DCAF8: variants seen among roughly 807,000 people sequenced by gnomAD.
DCAF8 encodes the protein DDB1- and CUL4-associated factor 8.
In DCAF8, 20 loss-of-function variants were observed where a neutral mutation model predicts 68.0. That is an observed-to-expected ratio of 0.29 (90% CI 0.21 to 0.43). The LOEUF (loss-of-function observed/expected upper bound fraction) is 0.43, where lower values mean the gene tolerates loss of function less well. DCAF8 is among the 20% of genes least tolerant of loss of function. The pLI is 1.00. For missense variants in DCAF8, 460 were observed against 771.0 expected, an observed-to-expected ratio of 0.60 and a Z score of 4.78; for synonymous variants, 230 against 276.9, an observed-to-expected ratio of 0.83 and a Z score of 1.68.
intron 6 of DCAF8, among the ~76,000 whole-genome samples, chr1:160,236,742 A>T (rs1341387843): frequency 6.6e-6 from 1 of 152,206 alleles, no homozygotes; most frequent in Admixed American, 6.5e-5. Context: ...ATTTTTGTTC[A>T]AATTTTATGT....
chr1:160,224,362 T>C (rs1475513349), intron 10 of DCAF8, 80 bp downstream of exon 10: 6 of 1,058,648 alleles, frequency 5.7e-6, no homozygotes, highest in Non-Finnish European at 8.6e-6. Flanking sequence ...GTAGTTTCTA[T>C]TTGTATAACC....
intron 2 of DCAF8, among the ~76,000 whole-genome samples, chr1:160,256,025 T>TA (rs1656823113): frequency 2.8e-5 from 4 of 142,786 alleles, no homozygotes; most frequent in African/African-American, 1.1e-4. Flanking sequence ...TTTTTTTTTT[T>TA]TTTTTTTTTT....
At chr1:160,219,266 C>G (rs971262254) in intron 11 of DCAF8, 1 of 256,694 alleles carries the variant, frequency 3.9e-6, no homozygotes, top group African/African-American at 2.2e-5. Flanking sequence ...CTGCTGGCTT[C>G]GTAAGAAGAC....
Position 160,218,340 on chromosome 1 carries a change from T to C in DCAF8, c.1661A>G (p.Gln554Arg), listed in dbSNP as rs1655191627. 6.2e-7 allele frequency: 1 copy of C among 1,613,876 alleles called. No individual in the cohort carries two copies. Among genetic ancestry groups the C allele is most frequent in the African/African-American group, 1.3e-5 (1 of 74,940 alleles). Residue 554 changes from glutamine to arginine, a missense_variant, in exon 13 of 14, where the codon CAG becomes CGG. Transcript: ENST00000368074. ...CTAGCTTACCCGGTGATGGCGTCTC[T>C]GTCTCAGGTGATGCATAAGGAACCA... Reference protein sequence around the residue: ...MLWFLMHHLRQRRHHRRWREP... With the variant: ...MLWFLMHHLRRRRHHRRWREP...
Position 160,217,581 on chromosome 1 carries a change from G to A in DCAF8, c.*11C>T. 1 of 1,603,684 alleles carries A rather than the reference G, an allele frequency of 6.2e-7. No homozygotes were observed. Among genetic ancestry groups the A allele is most frequent in the Non-Finnish European group, 8.5e-7 (1 of 1,172,084 alleles). On this transcript the variant is annotated 3_prime_UTR_variant, in exon 14 of 14. Coordinates refer to ENST00000368074, the MANE Select transcript of DCAF8 (RefSeq NM_015726.4). ...TGGCAGCCCCAGCCTGCCCCACCTA[G>A]GTATGAGGCCTCAAGATGGCATGCA...
intron 8 of DCAF8, 74 bp downstream of exon 8, chr1:160,225,517 T>C (rs1300106818): frequency 5.0e-6 from 6 of 1,204,134 alleles, no homozygotes; most frequent in South Asian, 3.9e-5. Flanking sequence ...CTTCCCACCA[T>C]ACCAACAAGT....
rs57658253 is a variant in DCAF8 at position 160,229,704 on chromosome 1, TG to T, written c.1070+1592del. 3.8e-4 allele frequency among the ~76,000 whole-genome samples: 58 copies of T among 152,208 alleles called. No individual in the cohort carries two copies. The East Asian group carries it at 0.011, about 29-fold the overall frequency. On this transcript the variant is annotated intron_variant, in intron 7 of 13. Transcript: ENST00000368074. ...AATCTATACAAACTACAACCCTTTT[TG>T]ATCAACAGCTTCTTATTTAAAAATA...
intron 10 of DCAF8, among the ~76,000 whole-genome samples, chr1:160,224,204 C>G (rs577886969): frequency 1.3e-5 from 2 of 152,200 alleles, no homozygotes; most frequent in African/African-American, 4.8e-5. Flanking sequence ...GTTAGTCTAG[C>G]CTCCTTATGT....
intron 7 of DCAF8, among the ~76,000 whole-genome samples, chr1:160,228,610 C>T (rs1280821908): frequency 7.1e-6 from 1 of 141,048 alleles, no homozygotes; most frequent in East Asian, 2.1e-4. Flanking sequence ...CTCTACTTAC[C>T]TTTTTTTTTT....
At chr1:160,255,345 C>A (rs61489122) in intron 2 of DCAF8, among the ~76,000 whole-genome samples, 2,415 of 152,272 alleles carry the variant, frequency 0.016, 63 homozygotes, top group African/African-American at 0.049. Context: ...TATCTTGCCG[C>A]GTGGTCTCAA....
At position 160,225,131 on chromosome 1, in the gene DCAF8, A is replaced by G; in HGVS notation, c.1144-12T>C. On this transcript the variant is annotated splice_polypyrimidine_tract_variant and intron_variant, in intron 8 of 13. Coordinates refer to ENST00000368074, the MANE Select transcript of DCAF8 (RefSeq NM_015726.4). The stretch of plus-strand genomic sequence containing the variant: ...GACTCACTGTTCACCTGCAATAAGG[A>G]GCAGATACTGACTGATGCCCCACCC... 1 of 1,613,670 alleles carries G rather than the reference A, an allele frequency of 6.2e-7. No homozygotes were observed. The highest frequency in any genetic ancestry group is 8.5e-7 in the Non-Finnish European group (1 of 1,179,702).
intron 2 of DCAF8, among the ~76,000 whole-genome samples, chr1:160,256,941 A>AT (rs1486889189): frequency 6.6e-6 from 1 of 152,316 alleles, no homozygotes; most frequent in Admixed American, 6.5e-5. Context: ...AATTCATAAA[A>AT]TTCATCACTC....
intron 5 of DCAF8, among the ~76,000 whole-genome samples, chr1:160,237,602 C>T (rs1655940209): frequency 6.6e-6 from 1 of 152,194 alleles, no homozygotes; most frequent in Non-Finnish European, 1.5e-5. Flanking sequence ...TCATGGCTCA[C>T]TAAAGCCTCA....
At chr1:160,232,417 T>A (rs1006601282) in intron 6 of DCAF8, among the ~76,000 whole-genome samples, 3 of 151,812 alleles carry the variant, frequency 2.0e-5, no homozygotes, top group African/African-American at 7.3e-5. Context: ...CCGAGGTGGG[T>A]GGATCATGAG....
intron 2 of DCAF8, among the ~76,000 whole-genome samples, chr1:160,250,464 CAAAAAAAAAAAA>C (rs386368471): frequency 1.5e-5 from 1 of 66,644 alleles, no homozygotes; most frequent in African/African-American, 6.5e-5. Flanking sequence ...GAAACTGTCT[CAAAAAAAAAAAA>C]AAAAAAAAAA....
intron 13 of DCAF8, 46 bp from the exon 14 acceptor site, chr1:160,217,754 G>C: frequency 6.7e-7 from 1 of 1,494,528 alleles, no homozygotes; most frequent in Non-Finnish European, 9.3e-7. Flanking sequence ...GATGGAACAA[G>C]GACAAGCCTG....
At position 160,218,306 on chromosome 1, in the gene DCAF8, T is replaced by C; in HGVS notation, c.1677+18A>G. On this transcript the variant is annotated intron_variant, in intron 13 of 13. Transcript: ENST00000368074. ...AAAGGGTCACTCCCTTGGGAATTCA[T>C]TTCCAACCCTAGCTTACCCGGTGAT... 1 of 1,603,096 alleles carries C rather than the reference T, an allele frequency of 6.2e-7. No homozygotes were observed. The highest frequency in any genetic ancestry group is 8.5e-7 in the Non-Finnish European group (1 of 1,169,994).
chr1:160,218,721 A>G, intron 12 of DCAF8, 128 bp downstream of exon 12: 1 of 1,379,514 alleles, frequency 7.2e-7, no homozygotes, highest in Non-Finnish European at 1.0e-6. Context: ...AATTACAGGA[A>G]TGTGGGGGAG....
At position 160,224,483 on chromosome 1, in the gene DCAF8, T is replaced by C; in HGVS notation, c.1268A>G (p.Gln423Arg). ...LFNSSHSDGA[Q>R]YVKRYKGHRN... Reference sequence around the variant, plus strand: ...GTGGCCCTTGTATCTCTTAACATACTGGGCCCCATCACTGTGAGAGGAGTT... The same window carrying C: ...GTGGCCCTTGTATCTCTTAACATACCGGGCCCCATCACTGTGAGAGGAGTT... Residue 423 changes from glutamine (Q) to arginine (R), a missense_variant, in exon 10 of 14, where the codon CAG becomes CGG. Gln to Arg is a conservative substitution (Grantham distance 43). Coordinates refer to ENST00000368074, the MANE Select transcript of DCAF8 (RefSeq NM_015726.4). 2 of 1,614,128 alleles carry C rather than the reference T, an allele frequency of 1.2e-6. No individual in the cohort carries two copies. Among genetic ancestry groups the C allele is most frequent in the Non-Finnish European group, 8.5e-7 (1 of 1,179,958 alleles).
Sources: gnomAD v4.1 joint callset for allele counts (sites outside exome capture counted in the v4.1 genomes callset) on GRCh38, gnomAD v4.1.1 for gene constraint, MANE v1.5 for transcripts, NCBI Gene and HGNC (gene_info 2026-07-23, HGNC 2026-07-21) for gene names.